RAB28: variants seen among roughly 807,000 people sequenced by gnomAD.
RAB28 encodes RAB28, member RAS oncogene family, also known as ras-related protein Rab-28.
A neutral mutation model predicts 31.7 loss-of-function variants in RAB28; 24 were observed. That is an observed-to-expected ratio of 0.76 (90% CI 0.55 to 1.06). The LOEUF (loss-of-function observed/expected upper bound fraction) is 1.06, where lower values mean the gene tolerates loss of function less well. RAB28 is among the 50% of genes least tolerant of loss of function. The probability of loss-of-function intolerance (pLI) is 0.00; values close to 1 mark genes in which losing one functional copy is unlikely to be tolerated. For missense variants in RAB28, 254 were observed against 258.5 expected, an observed-to-expected ratio of 0.98 and a Z score of 0.12; for synonymous variants, 100 against 90.4, an observed-to-expected ratio of 1.11 and a Z score of -0.60.
intron 4 of RAB28, among the ~76,000 whole-genome samples, chr4:13,426,238 T>A (rs1713480306): frequency 6.6e-6 from 1 of 152,118 alleles, no homozygotes; most frequent in Admixed American, 6.6e-5. Flanking sequence ...AAAGCCTTAC[T>A]GAGGAAGGGA....
intron 4 of RAB28, among the ~76,000 whole-genome samples, chr4:13,427,486 A>G (rs1224776717): frequency 6.6e-6 from 1 of 152,208 alleles, no homozygotes; most frequent in Admixed American, 6.5e-5. Context: ...GAAAACAAGG[A>G]GAGTATGTAT....
intron 5 of RAB28, 27 bp downstream of exon 5, chr4:13,381,464 A>G: frequency 6.8e-7 from 1 of 1,468,226 alleles, no homozygotes; most frequent in South Asian, 1.2e-5. Context: ...GGAAAACATC[A>G]CATACAGTAT....
intron 3 of RAB28, among the ~76,000 whole-genome samples, chr4:13,462,905 A>G (rs1715667827): frequency 1.3e-5 from 2 of 152,138 alleles, no homozygotes; most frequent in African/African-American, 4.8e-5. Context: ...CCCACCTCCA[A>G]CTGCCATGGG....
chr4:13,383,075 T>G (rs919049314), intron 4 of RAB28, among the ~76,000 whole-genome samples: 1 of 152,130 alleles, frequency 6.6e-6, no homozygotes, highest in South Asian at 2.1e-4. Flanking sequence ...TATCTCCTTA[T>G]TTACAAGAAC....
intron 4 of RAB28, among the ~76,000 whole-genome samples, chr4:13,404,665 T>C (rs1270944548): frequency 2.0e-5 from 3 of 152,172 alleles, no homozygotes; most frequent in Non-Finnish European, 2.9e-5. Flanking sequence ...ATTCAGTTCA[T>C]TGTCTCAATA....
intron 4 of RAB28, among the ~76,000 whole-genome samples, chr4:13,405,864 T>C (rs544023312): frequency 2.6e-5 from 4 of 152,318 alleles, no homozygotes; most frequent in African/African-American, 9.6e-5. Flanking sequence ...TAAGTTTGCC[T>C]TCTGATTCAT....
chr4:13,417,170 C>T (rs753745168), intron 4 of RAB28, among the ~76,000 whole-genome samples: 6 of 152,182 alleles, frequency 3.9e-5, no homozygotes, highest in South Asian at 2.1e-4. Flanking sequence ...GTGAGGCAGC[C>T]GCCTGGCAGA....
chr4:13,389,156 C>T (rs1309047945), intron 4 of RAB28, among the ~76,000 whole-genome samples: 1 of 152,100 alleles, frequency 6.6e-6, no homozygotes, highest in African/African-American at 2.4e-5. Context: ...TCACATGCTA[C>T]AACATGGATG....
intron 4 of RAB28, among the ~76,000 whole-genome samples, chr4:13,385,565 G>A (rs527634699): frequency 2.0e-5 from 3 of 152,144 alleles, no homozygotes; most frequent in African/African-American, 7.2e-5. Flanking sequence ...AGAAATTCCA[G>A]CCCAGAATTT....
intron 4 of RAB28, among the ~76,000 whole-genome samples, chr4:13,393,563 G>T (rs1729738941): frequency 6.6e-6 from 1 of 151,996 alleles, no homozygotes; most frequent in Non-Finnish European, 1.5e-5. Flanking sequence ...TACTTTCATT[G>T]ACTACACGGA....
intron 4 of RAB28, among the ~76,000 whole-genome samples, chr4:13,396,821 T>C (rs1729892902): frequency 6.6e-6 from 1 of 152,128 alleles, no homozygotes; most frequent in Non-Finnish European, 1.5e-5. Context: ...TCTGCCATAT[T>C]CACTCCAAAC....
chr4:13,441,815 G>A (rs933199222), intron 4 of RAB28, among the ~76,000 whole-genome samples: 1 of 152,158 alleles, frequency 6.6e-6, no homozygotes, highest in Non-Finnish European at 1.5e-5. Context: ...CTGGAGCAGT[G>A]CAACCACATA....
At chr4:13,383,681 T>C (rs1215501076) in intron 4 of RAB28, among the ~76,000 whole-genome samples, 1 of 152,166 alleles carries the variant, frequency 6.6e-6, no homozygotes, top group African/African-American at 2.4e-5. Flanking sequence ...AACTGAATCA[T>C]GGAGACGGCT....
chr4:13,419,946 A>T (rs1028842331), intron 4 of RAB28, among the ~76,000 whole-genome samples: 4 of 152,088 alleles, frequency 2.6e-5, no homozygotes, highest in Non-Finnish European at 5.9e-5. Flanking sequence ...CCCTTCAAAA[A>T]AAAAAATCAA....
intron 6 of RAB28, chr4:13,369,882 T>C (rs759765554): frequency 1.9e-6 from 3 of 1,611,648 alleles, no homozygotes; most frequent in Non-Finnish European, 2.5e-6. Context: ...TGCACTACTG[T>C]ACTGAACAGA....
chr4:13,412,471 A>G (rs1712495883), intron 4 of RAB28, among the ~76,000 whole-genome samples: 1 of 152,188 alleles, frequency 6.6e-6, no homozygotes, highest in Non-Finnish European at 1.5e-5. Context: ...CTGTGTCGTA[A>G]GAAAAATTAT....
At chr4:13,391,672 T>C (rs567262698) in intron 4 of RAB28, among the ~76,000 whole-genome samples, 81 of 152,256 alleles carry the variant, frequency 5.3e-4, no homozygotes, top group African/African-American at 1.8e-3. Context: ...CCATCAATGA[T>C]AGACTAGATT....
intron 4 of RAB28, among the ~76,000 whole-genome samples, chr4:13,419,941 C>CA (rs975866585): frequency 1.7e-3 from 238 of 136,910 alleles, no homozygotes; most frequent in Admixed American, 2.3e-3. Context: ...AAAAACCCTT[C>CA]AAAAAAAAAA....
chr4:13,469,405 GTTC>G (rs1560144966), intron 3 of RAB28, among the ~76,000 whole-genome samples: 2 of 151,774 alleles, frequency 1.3e-5, no homozygotes, highest in African/African-American at 4.8e-5. Flanking sequence ...TCCAGCTGCT[GTTC>G]TTCTTCCCAA....
Sources: allele counts gnomAD v4.1 joint callset (sites outside exome capture counted in the v4.1 genomes callset), GRCh38; gene constraint gnomAD v4.1.1; transcripts MANE v1.5; gene names NCBI Gene and HGNC (gene_info 2026-07-23, HGNC 2026-07-21).